Variants in TMEM135 observed in about 807,000 individuals in gnomAD.
TMEM135 encodes the protein peroxisomal membrane protein 52.
A neutral mutation model predicts 60.3 loss-of-function variants in TMEM135; 30 were observed. The observed-to-expected ratio is 0.50, with a 90% confidence interval of 0.37 to 0.68. TMEM135 has a LOEUF of 0.68. Among genes scored for constraint, TMEM135 ranks in the 30% least tolerant of loss-of-function variants. TMEM135 has a pLI of 0.00. For missense variants in TMEM135, 468 were observed against 548.8 expected (o/e 0.85, Z 1.47); for synonymous variants, 190 against 186.7 (o/e 1.02, Z -0.14).
chr11:87,112,293 T>C, intron 4 of TMEM135, among the ~76,000 whole-genome samples: 1 of 152,210 alleles, frequency 6.6e-6, no homozygotes, highest in East Asian at 1.9e-4. Context: ...TTCAAGTGTA[T>C]TGTACTTTTA....
At chr11:87,067,106 T>TC (rs1856680136) in intron 1 of TMEM135, among the ~76,000 whole-genome samples, 1 of 148,234 alleles carries the variant, frequency 6.7e-6, no homozygotes, top group Admixed American at 6.7e-5. Context: ...TTTTTTCAGG[T>TC]CTTTTTTTTT....
At chr11:87,312,090 AAT>A (rs1025682175) in intron 10 of TMEM135, among the ~76,000 whole-genome samples, 19 of 151,382 alleles carry the variant, frequency 1.3e-4, no homozygotes, top group Admixed American at 5.9e-4. Context: ...ATTATGTGTA[AAT>A]ATATATAGTT....
chr11:87,062,697 T>G (rs1949962265), intron 1 of TMEM135, among the ~76,000 whole-genome samples: 2 of 151,844 alleles, frequency 1.3e-5, no homozygotes, highest in Non-Finnish European at 2.9e-5. Context: ...ACTCCTGACC[T>G]TGTGATCCAT....
intron 5 of TMEM135, among the ~76,000 whole-genome samples, chr11:87,219,997 G>A (rs1032665375): frequency 4.6e-5 from 7 of 152,144 alleles, no homozygotes; most frequent in Non-Finnish European, 1.0e-4. Context: ...GCATGTAAAT[G>A]TCTAGGTTCT....
intron 5 of TMEM135, among the ~76,000 whole-genome samples, chr11:87,214,327 C>A (rs141447220): frequency 6.6e-6 from 1 of 152,274 alleles, no homozygotes; most frequent in African/African-American, 2.4e-5. Context: ...TGCAAAGCAG[C>A]CTTTTTTCAA....
intron 1 of TMEM135, among the ~76,000 whole-genome samples, chr11:87,047,105 T>C (rs879544705): frequency 2.0e-5 from 3 of 152,226 alleles, no homozygotes; most frequent in Non-Finnish European, 4.4e-5. Context: ...CAGAGCCTTA[T>C]GTGGTCTATC....
At chr11:87,042,787 T>G (rs1283963481) in intron 1 of TMEM135, among the ~76,000 whole-genome samples, 1 of 151,408 alleles carries the variant, frequency 6.6e-6, no homozygotes, top group African/African-American at 2.5e-5. Flanking sequence ...CCCTCATGCT[T>G]CTTTTAATCT....
rs149300750 is a variant in TMEM135, at chr11:87,326,876, A to G, written c.*5543A>G. Reference sequence around the variant, plus strand: ...ACCAAAGGGCAGGATAAATAAATCTATGAAACTAGAGGCATCATTGAATCA... The same window carrying G: ...ACCAAAGGGCAGGATAAATAAATCTGTGAAACTAGAGGCATCATTGAATCA... On this transcript the variant is annotated 3_prime_UTR_variant, in exon 15 of 15. Transcript: ENST00000305494. The G allele has an allele frequency of 6.4e-3, 2,888 of 450,102 alleles. 29 individuals carry two copies. Among genetic ancestry groups the G allele is most frequent in the Middle Eastern group, 0.036 (51 of 1,424 alleles). The allele number at this position is 450,102 out of a possible 1,614,324, so 27.9% of individuals were successfully genotyped here. A position where few individuals can be genotyped will look rare whatever the true frequency, so the allele number is the denominator to read the frequency against.
At chr11:87,141,257 G>T (rs141655593) in intron 4 of TMEM135, among the ~76,000 whole-genome samples, 1 of 151,716 alleles carries the variant, frequency 6.6e-6, no homozygotes, top group African/African-American at 2.4e-5. Flanking sequence ...TTAATTTCTT[G>T]CAGCATTATT....
At chr11:87,248,000 T>A (rs1941326763) in intron 6 of TMEM135, among the ~76,000 whole-genome samples, 1 of 146,640 alleles carries the variant, frequency 6.8e-6, no homozygotes, top group African/African-American at 2.6e-5. Flanking sequence ...CCATCTTGGC[T>A]GCCAGCTTGA....
chr11:87,156,407 G>A (rs1253607969), intron 4 of TMEM135, among the ~76,000 whole-genome samples: 2 of 152,094 alleles, frequency 1.3e-5, no homozygotes, highest in Non-Finnish European at 2.9e-5. Flanking sequence ...TGTGCCATTG[G>A]GATTTTAATA....
chr11:87,173,827 A>C (rs1212567417), intron 5 of TMEM135, among the ~76,000 whole-genome samples: 1 of 152,014 alleles, frequency 6.6e-6, no homozygotes, highest in Non-Finnish European at 1.5e-5. Flanking sequence ...CTGAGTGATT[A>C]TTTCCTTCCT....
At chr11:87,232,605 CA>C in intron 5 of TMEM135, among the ~76,000 whole-genome samples, 1 of 152,160 alleles carries the variant, frequency 6.6e-6, no homozygotes, top group South Asian at 2.1e-4. Context: ...AAACTTTTTG[CA>C]GACCTACATT....
At chr11:87,298,229 T>C (rs1942381115) in intron 7 of TMEM135, among the ~76,000 whole-genome samples, 1 of 152,160 alleles carries the variant, frequency 6.6e-6, no homozygotes. Flanking sequence ...CACAATTTAA[T>C]ATGAGCTCCT....
chr11:87,107,567 A>T (rs780924574), intron 4 of TMEM135, among the ~76,000 whole-genome samples: 14 of 151,998 alleles, frequency 9.2e-5, no homozygotes, highest in Non-Finnish European at 1.9e-4. Flanking sequence ...TTCCAGCTTC[A>T]TCCATGTCCC....
intron 4 of TMEM135, chr11:87,121,412 A>G (rs1858053632): frequency 6.6e-6 from 1 of 152,150 alleles, no homozygotes; most frequent in Admixed American, 6.6e-5. Flanking sequence ...AAGAGTAAGC[A>G]TGGGGTGTTA....
chr11:87,058,395 T>C (rs1449904314), intron 1 of TMEM135, among the ~76,000 whole-genome samples: 1 of 152,034 alleles, frequency 6.6e-6, no homozygotes, highest in Non-Finnish European at 1.5e-5. Flanking sequence ...AGTGGCGTGA[T>C]CTTGGCTTGC....
At chr11:87,239,815 A>G (rs934558714) in intron 6 of TMEM135, among the ~76,000 whole-genome samples, 1 of 151,994 alleles carries the variant, frequency 6.6e-6, no homozygotes. Flanking sequence ...AAGATGTCAC[A>G]AGATGTGATG....
At chr11:87,296,869 G>C (rs1942356474) in intron 7 of TMEM135, among the ~76,000 whole-genome samples, 1 of 151,956 alleles carries the variant, frequency 6.6e-6, no homozygotes, top group Non-Finnish European at 1.5e-5. Flanking sequence ...GAAGTGTGAG[G>C]TAACAGTGAG....
Sources: gnomAD v4.1 joint callset for allele counts (sites outside exome capture counted in the v4.1 genomes callset) on GRCh38, gnomAD v4.1.1 for gene constraint, MANE v1.5 for transcripts, NCBI Gene and HGNC (gene_info 2026-07-23, HGNC 2026-07-21) for gene names.